Variants in RGL1 observed in about 807,000 individuals in gnomAD.
The protein encoded by RGL1 is ral guanine nucleotide dissociation stimulator like 1.
RGL1 carries 24 observed loss-of-function variants against 95.2 expected under a neutral mutation model. The ratio of observed to expected loss-of-function variants is 0.25; its 90% CI spans 0.18 to 0.35. The LOEUF is 0.35. Among genes scored for constraint, RGL1 ranks in the 10% least tolerant of loss-of-function variants. The pLI is 1.00. For synonymous variants in RGL1, 329 were observed against 344.9 expected (o/e 0.95, Z 0.51); for missense variants, 715 against 936.3 (o/e 0.76, Z 3.08).
At chr1:183,904,331 G>T (rs1361610258) in intron 12 of RGL1, among the ~76,000 whole-genome samples, 1 of 152,116 alleles carries the variant, frequency 6.6e-6, no homozygotes, top group Non-Finnish European at 1.5e-5. Flanking sequence ...ACCTAGGACT[G>T]TTTAGATACT....
chr1:183,892,292 AT>A (rs1377343064), intron 9 of RGL1, 131 bp downstream of exon 9: 3 of 617,152 alleles, frequency 4.9e-6, no homozygotes, highest in Non-Finnish European at 8.2e-6. Context: ...AAGGCAAAAA[AT>A]TTTTTTAAAT....
chr1:183,750,439 T>C, intron 2 of RGL1, among the ~76,000 whole-genome samples: 1 of 152,234 alleles, frequency 6.6e-6, no homozygotes, highest in East Asian at 1.9e-4. Flanking sequence ...TCTAAATTGG[T>C]TATTCTAGTT....
At chr1:183,701,003 G>A (rs556193202) in intron 1 of RGL1, among the ~76,000 whole-genome samples, 1 of 152,170 alleles carries the variant, frequency 6.6e-6, no homozygotes, top group Admixed American at 6.5e-5. Flanking sequence ...AGAACATGTG[G>A]TGTTTCGTTT....
At chr1:183,762,553 T>A (rs775721679) in intron 2 of RGL1, among the ~76,000 whole-genome samples, 1 of 152,220 alleles carries the variant, frequency 6.6e-6, no homozygotes, top group Non-Finnish European at 1.5e-5. Context: ...AGTGATCACA[T>A]ACTGTTGAAA....
chr1:183,849,398 T>C (rs951647053), intron 3 of RGL1, among the ~76,000 whole-genome samples: 1 of 151,932 alleles, frequency 6.6e-6, no homozygotes, highest in African/African-American at 2.4e-5. Flanking sequence ...TGTAGATGAA[T>C]CTATCATAAT....
intron 1 of RGL1, among the ~76,000 whole-genome samples, chr1:183,711,411 G>C (rs1055324412): frequency 6.6e-6 from 1 of 152,080 alleles, no homozygotes; most frequent in African/African-American, 2.4e-5. Flanking sequence ...GCAGTTTTCT[G>C]GGAGCCCTCC....
At chr1:183,844,960 C>T (rs1404586210) in intron 2 of RGL1, among the ~76,000 whole-genome samples, 13 of 152,228 alleles carry the variant, frequency 8.5e-5, no homozygotes, top group Non-Finnish European at 4.4e-5. Flanking sequence ...TTCTAACCCC[C>T]TTCTGAAAGC....
chr1:183,834,634 C>T (rs566775808), intron 2 of RGL1, among the ~76,000 whole-genome samples: 2 of 152,200 alleles, frequency 1.3e-5, no homozygotes, highest in South Asian at 4.1e-4. Flanking sequence ...TTATAGATTT[C>T]CTTAGTACCT....
intron 2 of RGL1, among the ~76,000 whole-genome samples, chr1:183,747,715 G>A (rs763973973): frequency 2.0e-5 from 3 of 152,200 alleles, no homozygotes; most frequent in East Asian, 3.8e-4. Flanking sequence ...GCTTTTTGAT[G>A]TGTTGCTGGA....
intron 1 of RGL1, among the ~76,000 whole-genome samples, chr1:183,690,674 A>G (rs531146337): frequency 6.6e-6 from 1 of 152,282 alleles, no homozygotes; most frequent in East Asian, 1.9e-4. Context: ...AATATACTTA[A>G]TTCAAAGGCA....
At chr1:183,699,960 G>C (rs1220726499) in intron 1 of RGL1, among the ~76,000 whole-genome samples, 3 of 152,126 alleles carry the variant, frequency 2.0e-5, no homozygotes, top group Non-Finnish European at 4.4e-5. Flanking sequence ...GTTGTGCAAT[G>C]ACACCTCATT....
At chr1:183,823,788 A>AT (rs1248226640) in intron 2 of RGL1, among the ~76,000 whole-genome samples, 3 of 151,736 alleles carry the variant, frequency 2.0e-5, no homozygotes, top group Non-Finnish European at 4.4e-5. Context: ...GTTTGATATG[A>AT]TTTTTTTTCT....
intron 16 of RGL1, among the ~76,000 whole-genome samples, chr1:183,921,574 G>A (rs181802243): frequency 1.2e-3 from 181 of 152,278 alleles, no homozygotes; most frequent in African/African-American, 4.2e-3. Context: ...GTTCCCTTCA[G>A]TTGCTCAGTA....
In RGL1 at chr1:183,927,604, C is replaced by T. The variant is rs1669685381; in HGVS notation, c.*1312C>T. The T allele has an allele frequency of 6.6e-6, 1 of 152,550 alleles. No individual in the cohort carries two copies. The allele number at this position is 152,550 out of a possible 1,614,324, so 9.4% of individuals were successfully genotyped here. A position where few individuals can be genotyped will look rare whatever the true frequency, so the allele number is the denominator to read the frequency against. On this transcript the variant is annotated 3_prime_UTR_variant, in exon 18 of 18. Coordinates refer to ENST00000360851, the MANE Select transcript of RGL1 (RefSeq NM_001297671.3). Reference sequence around the variant, plus strand: ...ATCACAGTATCATTGTTAAGTGACACTTTTGTCTCTCATAACACCATCACA... The same window carrying T: ...ATCACAGTATCATTGTTAAGTGACATTTTTGTCTCTCATAACACCATCACA...
At chr1:183,648,012 G>A (rs12087217) in intron 1 of RGL1, 3 of 1,614,206 alleles carry the variant, frequency 1.9e-6, no homozygotes, top group South Asian at 1.1e-5. Flanking sequence ...GCTCTCTAAA[G>A]CCTCCTGAGC....
At chr1:183,901,655 G>C (rs538708347) in intron 11 of RGL1, among the ~76,000 whole-genome samples, 2 of 150,032 alleles carry the variant, frequency 1.3e-5, no homozygotes, top group Admixed American at 1.3e-4. Context: ...CTCTCTCTCT[G>C]TCTCTCTCTC....
intron 1 of RGL1, among the ~76,000 whole-genome samples, chr1:183,688,721 C>A (rs1354898368): frequency 2.0e-5 from 3 of 152,072 alleles, no homozygotes; most frequent in Non-Finnish European, 4.4e-5. Flanking sequence ...TTAAATAAGT[C>A]CCCTTTCCAG....
chr1:183,884,339 C>T (rs887926426), intron 6 of RGL1, among the ~76,000 whole-genome samples: 2 of 152,150 alleles, frequency 1.3e-5, no homozygotes, highest in African/African-American at 2.4e-5. Context: ...CTCATTTCCA[C>T]GTGTGCTTTC....
intron 3 of RGL1, among the ~76,000 whole-genome samples, chr1:183,856,522 C>G (rs541527097): frequency 1.1e-4 from 17 of 150,822 alleles, no homozygotes; most frequent in African/African-American, 3.9e-4. Context: ...ATGTTCTATT[C>G]AGGACATCAT....
Sources: gnomAD v4.1 joint callset for allele counts (sites outside exome capture counted in the v4.1 genomes callset) on GRCh38, gnomAD v4.1.1 for gene constraint, MANE v1.5 for transcripts, NCBI Gene and HGNC (gene_info 2026-07-23, HGNC 2026-07-21) for gene names.